CNTN4: variants seen among roughly 807,000 people sequenced by gnomAD.
CNTN4 encodes contactin 4, also known as contactin-4.
Under a neutral mutation model 122.5 loss-of-function variants are expected in CNTN4, and 77 were observed. The ratio of observed to expected loss-of-function variants is 0.63; its 90% CI spans 0.52 to 0.76. The LOEUF (loss-of-function observed/expected upper bound fraction) is 0.76. CNTN4 is among the 30% of genes least tolerant of loss of function. The pLI is 0.00. For synonymous variants in CNTN4, 512 were observed against 447.0 expected (o/e 1.15, Z -1.83); for missense variants, 1,256 against 1,259.1 (o/e 1.00, Z 0.04).
chr3:2,334,979 A>G (rs191098799), intron 2 of CNTN4, among the ~76,000 whole-genome samples: 21 of 152,304 alleles, frequency 1.4e-4, no homozygotes, highest in African/African-American at 4.8e-4. Flanking sequence ...GGGTAAAATC[A>G]TCCTTTTTGA....
chr3:2,867,718 T>A (rs7639356), intron 8 of CNTN4, among the ~76,000 whole-genome samples: 52,542 of 151,676 alleles, frequency 0.35, 9,429 homozygotes, highest in South Asian at 0.45. Flanking sequence ...AAGCCATCTC[T>A]GCTTGCTCAC....
intron 3 of CNTN4, among the ~76,000 whole-genome samples, chr3:2,348,766 T>C (rs1000867258): frequency 6.6e-6 from 1 of 152,214 alleles, no homozygotes; most frequent in Non-Finnish European, 1.5e-5. Flanking sequence ...ACAATGCTCT[T>C]TTAACCCTAT....
intron 4 of CNTN4, among the ~76,000 whole-genome samples, chr3:2,676,063 A>G (rs2084826185): frequency 6.6e-6 from 1 of 152,218 alleles, no homozygotes; most frequent in Non-Finnish European, 1.5e-5. Flanking sequence ...ACCTTTTAAA[A>G]TAATACACTG....
At chr3:2,229,451 G>T (rs912234408) in intron 2 of CNTN4, among the ~76,000 whole-genome samples, 4 of 152,068 alleles carry the variant, frequency 2.6e-5, no homozygotes, top group African/African-American at 9.7e-5. Flanking sequence ...AAGTCATGAG[G>T]CTTCTTGAAT....
intron 14 of CNTN4, among the ~76,000 whole-genome samples, chr3:3,011,504 A>C (rs1697225681): frequency 6.6e-6 from 1 of 152,166 alleles, no homozygotes; most frequent in African/African-American, 2.4e-5. Flanking sequence ...ATCGTTTTCA[A>C]ACTTTGTGTG....
At chr3:2,572,045 G>A (rs1415619936) in intron 4 of CNTN4, among the ~76,000 whole-genome samples, 1 of 152,148 alleles carries the variant, frequency 6.6e-6, no homozygotes, top group East Asian at 1.9e-4. Flanking sequence ...CAAAACACAG[G>A]AGGTTTTTAC....
At chr3:2,752,158 C>G (rs1239288835) in intron 6 of CNTN4, among the ~76,000 whole-genome samples, 1 of 152,140 alleles carries the variant, frequency 6.6e-6, no homozygotes, top group African/African-American at 2.4e-5. Context: ...ATAACTATCA[C>G]TTACAAAAAC....
chr3:2,444,990 C>A (rs1246984481), intron 3 of CNTN4, among the ~76,000 whole-genome samples: 2 of 151,024 alleles, frequency 1.3e-5, no homozygotes, highest in Admixed American at 1.3e-4. Flanking sequence ...CACCCCACTT[C>A]TTACTATGTA....
chr3:2,224,827 T>A (rs890610329), intron 2 of CNTN4, among the ~76,000 whole-genome samples: 1 of 152,130 alleles, frequency 6.6e-6, no homozygotes, highest in African/African-American at 2.4e-5. Flanking sequence ...TCATATTAGA[T>A]ACTCAAGAGC....
At chr3:2,699,679 T>G (rs1278896337) in intron 4 of CNTN4, among the ~76,000 whole-genome samples, 3 of 152,100 alleles carry the variant, frequency 2.0e-5, no homozygotes, top group Admixed American at 1.3e-4. Context: ...ATTTACTGGG[T>G]TTGGACCAGT....
intron 2 of CNTN4, among the ~76,000 whole-genome samples, chr3:2,177,362 C>G (rs2036794895): frequency 2.0e-5 from 3 of 152,162 alleles, no homozygotes; most frequent in Admixed American, 6.6e-5. Context: ...CTCAACATCT[C>G]ATATCTTTTT....
chr3:2,566,867 A>G (rs891918891), intron 3 of CNTN4, among the ~76,000 whole-genome samples: 41 of 152,204 alleles, frequency 2.7e-4, no homozygotes, highest in African/African-American at 9.4e-4. Context: ...TGAGGCTTTG[A>G]AAAACATACT....
intron 3 of CNTN4, among the ~76,000 whole-genome samples, chr3:2,561,396 A>C (rs2078947216): frequency 6.6e-6 from 1 of 152,170 alleles, no homozygotes; most frequent in Non-Finnish European, 1.5e-5. Context: ...CCCAGTACCC[A>C]GAAAGCATGG....
At chr3:2,603,960 G>A (rs1222802153) in intron 4 of CNTN4, among the ~76,000 whole-genome samples, 4 of 152,182 alleles carry the variant, frequency 2.6e-5, no homozygotes, top group Non-Finnish European at 5.9e-5. Context: ...CTGCCCACGG[G>A]TCATTCAGAG....
At chr3:2,528,799 T>A (rs4464430) in intron 3 of CNTN4, among the ~76,000 whole-genome samples, 8,184 of 152,130 alleles carry the variant, frequency 0.054, 897 homozygotes, top group East Asian at 0.47. Context: ...CCACCTTTAG[T>A]ATGACAAGCT....
chr3:2,125,245 T>A (rs1038701226), intron 2 of CNTN4, among the ~76,000 whole-genome samples: 1 of 152,112 alleles, frequency 6.6e-6, no homozygotes, highest in Non-Finnish European at 1.5e-5. Context: ...CTTATTTCAC[T>A]TAGCATACTG....
At chr3:2,673,774 C>G (rs532221273) in intron 4 of CNTN4, among the ~76,000 whole-genome samples, 1 of 152,146 alleles carries the variant, frequency 6.6e-6, no homozygotes, top group African/African-American at 2.4e-5. Flanking sequence ...GATTTCCCGA[C>G]CTCGTGATCC....
chr3:2,169,799 A>G (rs2036388268), intron 2 of CNTN4, among the ~76,000 whole-genome samples: 1 of 152,108 alleles, frequency 6.6e-6, no homozygotes. Context: ...AAGAACAAAT[A>G]CTCTTTATCA....
intron 3 of CNTN4, among the ~76,000 whole-genome samples, chr3:2,522,932 T>C (rs539794207): frequency 6.6e-6 from 1 of 152,276 alleles, no homozygotes; most frequent in South Asian, 2.1e-4. Flanking sequence ...TGTCCACCTG[T>C]CAAGTGAAAA....
Sources: allele counts gnomAD v4.1 joint callset (sites outside exome capture counted in the v4.1 genomes callset), GRCh38; gene constraint gnomAD v4.1.1; transcripts MANE v1.5; gene names NCBI Gene and HGNC (gene_info 2026-07-23, HGNC 2026-07-21).